SLC9B2: variants seen among roughly 807,000 people sequenced by gnomAD.
SLC9B2 encodes sodium/hydrogen exchanger 9B2.
A neutral mutation model predicts 52.2 loss-of-function variants in SLC9B2; 39 were observed. The ratio of observed to expected loss-of-function variants is 0.75; its 90% CI spans 0.58 to 0.98. SLC9B2 has a LOEUF of 0.98. Ranked by LOEUF, SLC9B2 falls within the 50% of genes least tolerant of loss-of-function variation. SLC9B2 has a pLI of 0.00. For synonymous variants in SLC9B2, 214 were observed against 227.0 expected (o/e 0.94, Z 0.51); for missense variants, 626 against 637.5 (o/e 0.98, Z 0.19).
intron 11 of SLC9B2, among the ~76,000 whole-genome samples, chr4:103,027,665 C>A (rs1485447284): frequency 6.6e-6 from 1 of 152,118 alleles, no homozygotes; most frequent in Non-Finnish European, 1.5e-5. Flanking sequence ...GCAGAAACTA[C>A]TAGTTGCTCA....
chr4:103,045,620 G>A (rs143083904), intron 7 of SLC9B2, among the ~76,000 whole-genome samples: 13 of 152,078 alleles, frequency 8.5e-5, no homozygotes, highest in Non-Finnish European at 1.8e-4. Flanking sequence ...TAGTTGGTGG[G>A]GGGGTGGGGC....
intron 9 of SLC9B2, among the ~76,000 whole-genome samples, chr4:103,035,668 T>C (rs1484392578): frequency 4.6e-5 from 7 of 152,182 alleles, no homozygotes; most frequent in Non-Finnish European, 8.8e-5. Flanking sequence ...GGAATGCTGA[T>C]ACACTGCTGG....
chr4:103,028,825 C>A lies in SLC9B2; in HGVS notation c.1314G>T (p.Leu438=). Residue 438 remains leucine, a synonymous_variant, in exon 11 of 12, where the codon CTG becomes CTT. Coordinates refer to ENST00000394785, the MANE Select transcript of SLC9B2 (RefSeq NM_178833.7). ...AGTTAAAACCAGCAAAACACACCATCAGAAATGTAGTCAAAATTCGTATCA... is the reference window on the plus strand; with the variant it reads ...AGTTAAAACCAGCAAAACACACCATAAGAAATGTAGTCAAAATTCGTATCA... ...AVLIRILTTF[L]MVCFAGFNLK... is the part of the protein sequence containing the mutation. 1.2e-6 allele frequency: 2 copies of A among 1,609,558 alleles called. No homozygotes were observed. Among genetic ancestry groups the A allele is most frequent in the Non-Finnish European group, 1.7e-6 (2 of 1,178,586 alleles).
Position 103,043,394 on chromosome 4 carries a change from C to T in SLC9B2, c.1048G>A (p.Ala350Thr), listed in dbSNP as rs908978663. 1.2e-6 allele frequency: 2 copies of T among 1,613,588 alleles called. No individual in the cohort carries two copies. Among genetic ancestry groups the T allele is most frequent in the Admixed American group, 1.7e-5 (1 of 59,874 alleles). Reference protein sequence around the residue: ...TFLVLGLSVLAVFSSVHFGFP... With the variant: ...TFLVLGLSVLTVFSSVHFGFP... ...CCAAAATGCACACTGCTGAACACAG[C>T]TAGCACAGACAACCCCAACACAAGG... The change falls in exon 9 of 12, where the codon GCT becomes ACT. Residue 350 changes from alanine (A) to threonine (T), a missense_variant. Coordinates refer to ENST00000394785, the MANE Select transcript of SLC9B2 (RefSeq NM_178833.7).
At position 103,066,454 on chromosome 4, in the gene SLC9B2, T is replaced by A. The variant is rs779093223; in HGVS notation, c.144A>T (p.Gly48=). The A allele has an allele frequency of 1.9e-6, 3 of 1,614,120 alleles. No individual in the cohort carries two copies. The East Asian group carries it at 6.7e-5, about 36-fold the overall frequency. Residue 48 remains glycine, a synonymous_variant, in exon 3 of 12, where the codon GGA becomes GGT. Coordinates refer to ENST00000394785, the MANE Select transcript of SLC9B2 (RefSeq NM_178833.7). Reference sequence around the variant, plus strand: ...TTTCACTGCTTTTCAAAAGAATACTTCCTTCTGTTGGTTCATTTGCATCTA... The same window carrying A: ...TTTCACTGCTTTTCAAAAGAATACTACCTTCTGTTGGTTCATTTGCATCTA... ...KGIDANEPTE[G]SILLKSSEKK... is the part of the protein sequence containing the mutation.
chr4:103,029,333 G>A (rs1350374816), intron 10 of SLC9B2, among the ~76,000 whole-genome samples: 1 of 152,124 alleles, frequency 6.6e-6, no homozygotes, highest in Non-Finnish European at 1.5e-5. Flanking sequence ...AGACTATACA[G>A]TAAGTGAGGT....
rs751339001 is a variant in SLC9B2 at position 103,057,804 on chromosome 4, G to C, written c.439C>G (p.Leu147Val). The C allele has an allele frequency of 3.1e-6, 5 of 1,612,992 alleles. No individual in the cohort carries two copies. The highest frequency in any genetic ancestry group is 2.5e-6 in the Non-Finnish European group (3 of 1,179,748). ...LPTLPPLPSL[L>V]GMLLAGFLIR... ...ACAGGAAACATTTAGCACTTACCAA[G>C]AAGAGAAGGCAGTGGAGGCAATGTA... The change falls in exon 4 of 12, where the codon CTT becomes GTT. Residue 147 changes from leucine (L) to valine (V), a missense_variant. Coordinates refer to ENST00000394785, the MANE Select transcript of SLC9B2 (RefSeq NM_178833.7).
At chr4:103,049,902 C>A (rs556683511) in intron 5 of SLC9B2, among the ~76,000 whole-genome samples, 2 of 151,806 alleles carry the variant, frequency 1.3e-5, no homozygotes, top group Non-Finnish European at 2.9e-5. Flanking sequence ...ATCCCACCTA[C>A]TTGGGAGGCC....
chr4:103,071,673 G>C lies in SLC9B2; in HGVS notation c.-42-4081C>G, dbSNP rs902092608. On this transcript the variant is annotated intron_variant, in intron 1 of 11. Coordinates refer to ENST00000394785, the MANE Select transcript of SLC9B2 (RefSeq NM_178833.7). Reference sequence around the variant, plus strand: ...ATTACAGGTGTGAGCTACCACACCCGGCTAATTTTTGTATTTTTAATAGGG... The same window carrying C: ...ATTACAGGTGTGAGCTACCACACCCCGCTAATTTTTGTATTTTTAATAGGG... Among the ~76,000 whole-genome samples the C allele has an allele frequency of 1.3e-4, 20 of 151,842 alleles. No individual in the cohort carries two copies. In the East Asian group the frequency reaches 2.9e-3, roughly 22 times the overall value.
At chr4:103,052,912 C>T (rs1467918477) in intron 4 of SLC9B2, among the ~76,000 whole-genome samples, 1 of 152,020 alleles carries the variant, frequency 6.6e-6, no homozygotes, top group Admixed American at 6.6e-5. Flanking sequence ...ACACTGTTTC[C>T]TTTGCTAGTG....
chr4:103,027,681 A>T (rs1319486010), intron 11 of SLC9B2, among the ~76,000 whole-genome samples: 1 of 152,158 alleles, frequency 6.6e-6, no homozygotes, highest in Admixed American at 6.5e-5. Flanking sequence ...GCTCACAAAA[A>T]CATGAATGAC....
At chr4:103,036,325 G>A (rs532211311) in intron 9 of SLC9B2, among the ~76,000 whole-genome samples, 5 of 152,286 alleles carry the variant, frequency 3.3e-5, no homozygotes, top group African/African-American at 1.2e-4. Flanking sequence ...TAAACAGTGA[G>A]TCCACAGGGA....
intron 6 of SLC9B2, chr4:103,048,677 T>G (rs910883194): frequency 3.3e-5 from 16 of 491,282 alleles, no homozygotes; most frequent in Non-Finnish European, 5.5e-5. Context: ...CCACGACTTC[T>G]TCAACAGTTT....
At chr4:103,040,698 A>C (rs370371816) in intron 9 of SLC9B2, among the ~76,000 whole-genome samples, 11 of 152,354 alleles carry the variant, frequency 7.2e-5, no homozygotes, top group African/African-American at 2.4e-4. Context: ...AAAACACACA[A>C]GTGTCTAAAT....
At chr4:103,054,625 G>T (rs1744967100) in intron 4 of SLC9B2, among the ~76,000 whole-genome samples, 2 of 152,170 alleles carry the variant, frequency 1.3e-5, no homozygotes, top group Admixed American at 1.3e-4. Flanking sequence ...ACGTGGGTGG[G>T]TTCCAATTAA....
chr4:103,066,008 T>C (rs1455705591), intron 3 of SLC9B2, among the ~76,000 whole-genome samples: 1 of 152,224 alleles, frequency 6.6e-6, no homozygotes, highest in African/African-American at 2.4e-5. Flanking sequence ...ATGTAGTGTT[T>C]TACAGTCCTA....
At chr4:103,020,964 G>A (rs1208815403), downstream of SLC9B2, among the ~76,000 whole-genome samples, 1 of 152,080 alleles carries the variant, frequency 6.6e-6, no homozygotes, top group African/African-American at 2.4e-5. Context: ...CTCCTTCAAC[G>A]TGTTATAGAC....
rs1742051338 is a variant in SLC9B2, at chr4:103,024,659, T to C, written c.*1711A>G. Among the ~76,000 whole-genome samples, 1 of 152,164 alleles carries C rather than the reference T, an allele frequency of 6.6e-6. No individual in the cohort carries two copies. The highest frequency in any genetic ancestry group is 1.5e-5 in the Non-Finnish European group (1 of 68,028). ...ATCTACTTCAAGATTAAAATGAACT[T>C]TGAATTCTAGGTCGAGGAGTTTAGA... is the stretch of plus-strand genomic sequence containing the variant. On this transcript the variant is annotated 3_prime_UTR_variant, in exon 12 of 12. Transcript: ENST00000394785.
At chr4:103,022,217 G>T (rs1741839267), downstream of SLC9B2, among the ~76,000 whole-genome samples, 1 of 152,198 alleles carries the variant, frequency 6.6e-6, no homozygotes, top group Non-Finnish European at 1.5e-5. Flanking sequence ...AATATATTCT[G>T]AGTGAGGGAG....
Sources: gnomAD v4.1 joint callset for allele counts (sites outside exome capture counted in the v4.1 genomes callset) on GRCh38, gnomAD v4.1.1 for gene constraint, MANE v1.5 for transcripts, NCBI Gene and HGNC (gene_info 2026-07-23, HGNC 2026-07-21) for gene names.